The following ACSS1 variants were observed in gnomAD, a reference collection of about 807,000 sequenced individuals.
ACSS1 encodes the protein acetyl-coenzyme A synthetase 2-like, mitochondrial.
Under a neutral mutation model 75.3 loss-of-function variants are expected in ACSS1, and 42 were observed. That is an observed-to-expected ratio of 0.56 (90% CI 0.44 to 0.72). ACSS1 has a LOEUF of 0.72. ACSS1 is among the 30% of genes least tolerant of loss of function. ACSS1 has a pLI of 0.00. For missense variants in ACSS1, 782 were observed against 935.7 expected (o/e 0.84, Z 2.14); for synonymous variants, 380 against 376.8 (o/e 1.01, Z -0.10).
intron 2 of ACSS1, among the ~76,000 whole-genome samples, chr20:25,043,921 GCT>G (rs1196938552): frequency 6.6e-6 from 1 of 152,196 alleles, no homozygotes; most frequent in Non-Finnish European, 1.5e-5. Context: ...GGCTTAAGAT[GCT>G]CTCATTTAAG....
At chr20:25,037,000 GA>G (rs1308369495) in intron 2 of ACSS1, among the ~76,000 whole-genome samples, 11 of 77,044 alleles carry the variant, frequency 1.4e-4, no homozygotes, top group Non-Finnish European at 3.2e-4. Context: ...AAAGAAAGAA[GA>G]AAGAAAGGAA....
intron 7 of ACSS1, among the ~76,000 whole-genome samples, chr20:25,015,469 G>A (rs1172198629): frequency 6.6e-6 from 1 of 152,114 alleles, no homozygotes; most frequent in Non-Finnish European, 1.5e-5. Context: ...CTAATTTTTT[G>A]TATTTTTAGT....
chr20:25,033,643 G>GT (rs2088863809), intron 2 of ACSS1, among the ~76,000 whole-genome samples: 1 of 152,254 alleles, frequency 6.6e-6, no homozygotes, highest in African/African-American at 2.4e-5. Flanking sequence ...TGAGTGGGGT[G>GT]TTTGCATTTG....
In ACSS1 at chr20:25,041,334, G is replaced by A. The variant is rs184583137; in HGVS notation, c.431+6751C>T. ...GCATGCAGCTTTTTCAGTCCACCCCGTGTGACCTCCAGGCCACACTCCCTC... is the reference window on the plus strand; with the variant it reads ...GCATGCAGCTTTTTCAGTCCACCCCATGTGACCTCCAGGCCACACTCCCTC... On this transcript the variant is annotated intron_variant, in intron 2 of 13. Coordinates refer to ENST00000323482, the MANE Select transcript of ACSS1 (RefSeq NM_032501.4). Among the ~76,000 whole-genome samples, 366 of 151,800 alleles carry A rather than the reference G, an allele frequency of 2.4e-3. 3 individuals are homozygous for A. The highest frequency in any genetic ancestry group is 8.5e-3 in the African/African-American group (351 of 41,414).
chr20:25,039,753 C>T (rs1340284704), intron 2 of ACSS1, among the ~76,000 whole-genome samples: 1 of 152,256 alleles, frequency 6.6e-6, no homozygotes, highest in Non-Finnish European at 1.5e-5. Context: ...AGTACCAGGC[C>T]AGACTCCAGA....
intron 7 of ACSS1, among the ~76,000 whole-genome samples, chr20:25,017,730 C>A (rs182693207): frequency 2.7e-3 from 405 of 152,352 alleles, no homozygotes; most frequent in African/African-American, 8.9e-3. Flanking sequence ...ACATCCCACT[C>A]TAATGCAGCT....
intron 2 of ACSS1, among the ~76,000 whole-genome samples, chr20:25,047,601 G>A (rs1309420760): frequency 6.6e-6 from 1 of 152,148 alleles, no homozygotes; most frequent in Admixed American, 6.5e-5. Context: ...GGAACTCACA[G>A]TTTAGGGGCA....
At chr20:25,013,706 T>C (rs763374647) in intron 9 of ACSS1, 44 bp from the exon 10 acceptor site, 2 of 1,563,118 alleles carry the variant, frequency 1.3e-6, no homozygotes, top group South Asian at 1.1e-5. Flanking sequence ...AGGCTCTGGG[T>C]GAGAAGTGTG....
At chr20:25,011,466 A>C (rs2122584641) in intron 12 of ACSS1, 1 of 152,358 alleles carries the variant, frequency 6.6e-6, no homozygotes, top group South Asian at 2.1e-4. Flanking sequence ...CCCAGCCCAG[A>C]GATGTGAAAT....
Position 25,006,857 on chromosome 20 carries a change from A to C in ACSS1, c.*905T>G. The C allele has an allele frequency of 1.3e-6, 2 of 1,535,492 alleles. No homozygotes were observed. The highest frequency in any genetic ancestry group is 1.7e-6 in the Non-Finnish European group (2 of 1,146,740). The stretch of plus-strand genomic sequence containing the variant: ...CGTTTGCCAGGATTTGGCTCTGACC[A>C]AGTTAGTGCTCTAACAAGTCACCTG... On this transcript the variant is annotated 3_prime_UTR_variant, in exon 14 of 14. Transcript: ENST00000323482.
rs1238470594 is a variant in ACSS1 at position 25,032,326 on chromosome 20, C to A, written c.432-1368G>T. Reference sequence around the variant, plus strand: ...TGGTCCAGTCAGAGTCAACCATACTCAACTCCGGGAAAACTGGGAGCAGGC... The same window carrying A: ...TGGTCCAGTCAGAGTCAACCATACTAAACTCCGGGAAAACTGGGAGCAGGC... On this transcript the variant is annotated intron_variant, in intron 2 of 13. Transcript: ENST00000323482. 4.6e-6 allele frequency: 6 copies of A among 1,307,872 alleles called. No individual in the cohort carries two copies. In the Admixed American group the frequency reaches 1.7e-4, roughly 37 times the overall value. The allele number at this position is 1,307,872 out of a possible 1,614,324, so 81.0% of individuals were successfully genotyped here. A position where few individuals can be genotyped will look rare whatever the true frequency, so the allele number is the denominator to read the frequency against.
At chr20:25,057,265 GCT>G (rs1351841544) in intron 1 of ACSS1, among the ~76,000 whole-genome samples, 1 of 152,250 alleles carries the variant, frequency 6.6e-6, no homozygotes, top group Non-Finnish European at 1.5e-5. Context: ...GCCCGCCACA[GCT>G]CTGTTTGTTT....
intron 1 of ACSS1, among the ~76,000 whole-genome samples, chr20:25,057,292 T>G (rs989430300): frequency 1.3e-5 from 2 of 152,216 alleles, no homozygotes; most frequent in African/African-American, 4.8e-5. Context: ...GGGCAGGGCT[T>G]GTCCCCAGGC....
At position 25,057,935 on chromosome 20, in the gene ACSS1, G is replaced by T. The variant is rs190851026; in HGVS notation, c.168C>A (p.Gly56=). The change falls in exon 1 of 14, where the codon GGC becomes GGA. Residue 56 remains glycine, a synonymous_variant. Transcript: ENST00000323482. The part of the protein sequence containing the change: ...PAVAAAAAQP[G]SYPALSAQAA... ...CCTGTGCACTCAGCGCGGGATACGA[G>T]CCTGGCTGTGCTGCTGCTGCTGCAA... 11 of 1,607,064 alleles carry T rather than the reference G, an allele frequency of 6.8e-6. No homozygotes were observed. The highest frequency in any genetic ancestry group is 1.7e-5 in the Admixed American group (1 of 59,354).
chr20:25,039,164 TC>T (rs1194782326), intron 2 of ACSS1, among the ~76,000 whole-genome samples: 1 of 152,106 alleles, frequency 6.6e-6, no homozygotes, highest in South Asian at 2.1e-4. Context: ...GGTTCTGAGC[TC>T]CCCTTCCCTT....
intron 1 of ACSS1, among the ~76,000 whole-genome samples, chr20:25,053,831 ACACTGAAAAACAT>A (rs1216739419): frequency 6.6e-6 from 1 of 152,244 alleles, no homozygotes; most frequent in Non-Finnish European, 1.5e-5. Flanking sequence ...AAGAGTACAC[ACACTGAAAAACAT>A]CACTTAAAAT....
chr20:25,015,283 A>T, intron 7 of ACSS1, 53 bp from the exon 8 acceptor site: 2 of 1,470,874 alleles, frequency 1.4e-6, no homozygotes, highest in Non-Finnish European at 1.9e-6. Context: ...TAAACCTGAA[A>T]CCAAAGGGAA....
intron 3 of ACSS1, among the ~76,000 whole-genome samples, chr20:25,026,547 A>G (rs1052376423): frequency 6.6e-6 from 1 of 152,150 alleles, no homozygotes; most frequent in African/African-American, 2.4e-5. Context: ...CTTCAAGTCA[A>G]CCTGACTAAT....
chr20:25,019,617 C>A (rs1033130500), intron 7 of ACSS1, among the ~76,000 whole-genome samples: 1 of 152,196 alleles, frequency 6.6e-6, no homozygotes, highest in African/African-American at 2.4e-5. Context: ...CTCCTGGGCT[C>A]AAGCAATCCT....
Sources: allele counts gnomAD v4.1 joint callset (sites outside exome capture counted in the v4.1 genomes callset), GRCh38; gene constraint gnomAD v4.1.1; transcripts MANE v1.5; gene names NCBI Gene and HGNC (gene_info 2026-07-23, HGNC 2026-07-21).